Variants in MSRA observed in about 807,000 individuals in gnomAD.
The protein encoded by MSRA is methionine sulfoxide reductase A, also known as mitochondrial peptide methionine sulfoxide reductase.
In MSRA, 54 loss-of-function variants were observed where a neutral mutation model predicts 31.3. The observed-to-expected ratio is 1.73, with a 90% CI of 1.39 to 2.17. The LOEUF is 2.17. MSRA is among the 30% of genes most tolerant of loss of function. The pLI, the probability that MSRA is intolerant of heterozygous loss-of-function variation, is 0.00. For synonymous variants in MSRA, 169 were observed against 116.5 expected (o/e 1.45, Z -2.90); for missense variants, 507 against 300.9 (o/e 1.69, Z -5.07).
At chr8:10,141,137 C>T (rs1802668878) in intron 1 of MSRA, among the ~76,000 whole-genome samples, 1 of 152,198 alleles carries the variant, frequency 6.6e-6, no homozygotes, top group African/African-American at 2.4e-5. Context: ...CATCTGTCAT[C>T]CACTGGCCAC....
intron 1 of MSRA, among the ~76,000 whole-genome samples, chr8:10,173,640 C>G (rs1805791956): frequency 6.6e-6 from 1 of 152,194 alleles, no homozygotes; most frequent in African/African-American, 2.4e-5. Context: ...AATCTTTCCG[C>G]TTGTCTCTTT....
At chr8:10,158,807 C>T (rs540694829) in intron 1 of MSRA, among the ~76,000 whole-genome samples, 1 of 152,324 alleles carries the variant, frequency 6.6e-6, no homozygotes, top group African/African-American at 2.4e-5. Flanking sequence ...GGAACTTCCA[C>T]ACTGTTTTCT....
chr8:10,348,515 G>C (rs539300675), intron 5 of MSRA, among the ~76,000 whole-genome samples: 1 of 151,768 alleles, frequency 6.6e-6, no homozygotes, highest in Non-Finnish European at 1.5e-5. Context: ...GACTACAAGC[G>C]TGCGCCACCA....
intron 2 of MSRA, among the ~76,000 whole-genome samples, chr8:10,239,382 G>A (rs1415608747): frequency 4.6e-5 from 7 of 152,176 alleles, no homozygotes; most frequent in Non-Finnish European, 1.0e-4. Flanking sequence ...GGATGGCCTC[G>A]ATGTCTTGAC....
At chr8:10,236,737 G>A (rs1239344355) in intron 2 of MSRA, among the ~76,000 whole-genome samples, 1 of 152,084 alleles carries the variant, frequency 6.6e-6, no homozygotes, top group Non-Finnish European at 1.5e-5. Flanking sequence ...GTAGAGATGG[G>A]GTTTTACTAT....
intron 1 of MSRA, among the ~76,000 whole-genome samples, chr8:10,205,118 A>AG: frequency 6.6e-6 from 1 of 152,258 alleles, no homozygotes; most frequent in African/African-American, 2.4e-5. Flanking sequence ...ATGCCATGGA[A>AG]GGGGAGGAGG....
intron 5 of MSRA, among the ~76,000 whole-genome samples, chr8:10,321,944 A>T (rs1217928178): frequency 2.0e-5 from 3 of 152,242 alleles, no homozygotes; most frequent in Non-Finnish European, 4.4e-5. Flanking sequence ...TATACTTTGA[A>T]GCTGCTAAGT....
intron 3 of MSRA, among the ~76,000 whole-genome samples, chr8:10,265,584 C>G (rs1044331908): frequency 2.6e-5 from 4 of 152,162 alleles, no homozygotes; most frequent in Non-Finnish European, 4.4e-5. Flanking sequence ...TTTCAGAGTT[C>G]TTTTAGAAAC....
At chr8:10,297,638 C>G (rs576948526) in intron 3 of MSRA, among the ~76,000 whole-genome samples, 3 of 152,254 alleles carry the variant, frequency 2.0e-5, no homozygotes, top group South Asian at 2.1e-4. Context: ...TACACAGGTT[C>G]TTTTACTTTG....
chr8:10,419,786 G>T (rs770376469), intron 5 of MSRA, among the ~76,000 whole-genome samples: 6 of 152,206 alleles, frequency 3.9e-5, no homozygotes, highest in Non-Finnish European at 5.9e-5. Flanking sequence ...CTTGCCATCA[G>T]GTGACCCAGG....
intron 1 of MSRA, among the ~76,000 whole-genome samples, chr8:10,144,656 C>A (rs923291732): frequency 6.6e-6 from 1 of 150,878 alleles, no homozygotes; most frequent in African/African-American, 2.4e-5. Context: ...TGTGCCCAAC[C>A]CCCAAGTATA....
intron 1 of MSRA, among the ~76,000 whole-genome samples, chr8:10,169,758 C>G (rs916993165): frequency 6.6e-6 from 1 of 152,116 alleles, no homozygotes; most frequent in Non-Finnish European, 1.5e-5. Flanking sequence ...AAATTCCTAA[C>G]CATTCATCAT....
chr8:10,398,797 CCTT>C (rs1807262199), intron 5 of MSRA, among the ~76,000 whole-genome samples: 1 of 152,144 alleles, frequency 6.6e-6, no homozygotes, highest in South Asian at 2.1e-4. Context: ...TCTTTTTTAA[CCTT>C]ATTATGTCAA....
chr8:10,358,681 C>T (rs1317512925), intron 5 of MSRA, among the ~76,000 whole-genome samples: 1 of 139,312 alleles, frequency 7.2e-6, no homozygotes, highest in African/African-American at 2.7e-5. Context: ...CAAGCTCCGC[C>T]TCCCGGGTTC....
chr8:10,238,393 T>C (rs1812130658), intron 2 of MSRA, among the ~76,000 whole-genome samples: 1 of 152,240 alleles, frequency 6.6e-6, no homozygotes, highest in Admixed American at 6.5e-5. Flanking sequence ...ACCTAGGATT[T>C]TTGGTGTTTT....
At chr8:10,365,943 G>C (rs1206873185) in intron 5 of MSRA, among the ~76,000 whole-genome samples, 1 of 152,182 alleles carries the variant, frequency 6.6e-6, no homozygotes, top group Non-Finnish European at 1.5e-5. Flanking sequence ...TAGTCAATGG[G>C]GCTGCAGGAC....
At chr8:10,245,606 C>T (rs905039900) in intron 3 of MSRA, among the ~76,000 whole-genome samples, 2 of 152,232 alleles carry the variant, frequency 1.3e-5, no homozygotes, top group African/African-American at 2.4e-5. Context: ...GCTAGTCAGC[C>T]TAGGCTGCTT....
chr8:10,091,768 C>A (rs189789067), intron 1 of MSRA, among the ~76,000 whole-genome samples: 1 of 152,062 alleles, frequency 6.6e-6, no homozygotes, highest in Non-Finnish European at 1.5e-5. Context: ...CACCACACCC[C>A]GCTAATTTTT....
intron 5 of MSRA, among the ~76,000 whole-genome samples, chr8:10,359,038 C>G (rs933792527): frequency 6.6e-6 from 1 of 152,192 alleles, no homozygotes; most frequent in African/African-American, 2.4e-5. Flanking sequence ...ATCCCGATCC[C>G]CACCCCAGGT....
Sources: allele counts gnomAD v4.1 joint callset (sites outside exome capture counted in the v4.1 genomes callset), GRCh38; gene constraint gnomAD v4.1.1; transcripts MANE v1.5; gene names NCBI Gene and HGNC (gene_info 2026-07-23, HGNC 2026-07-21).